TMC5: variants seen among roughly 807,000 people sequenced by gnomAD.
TMC5 encodes transmembrane channel-like protein 5.
In TMC5, 86 loss-of-function variants were observed where a neutral mutation model predicts 110.5. That is an observed-to-expected ratio of 0.78 (90% CI 0.65 to 0.93). TMC5 has a LOEUF of 0.93. TMC5 is among the 40% of genes least tolerant of loss of function. TMC5 has a pLI of 0.00. For missense variants in TMC5, 1,144 were observed against 1,222.8 expected (o/e 0.94, Z 0.96); for synonymous variants, 455 against 439.5 (o/e 1.04, Z -0.44).
chr16:19,497,271 T>C, intron 21 of TMC5, 108 bp downstream of exon 21: 3 of 1,201,558 alleles, frequency 2.5e-6, no homozygotes, highest in Non-Finnish European at 3.6e-6. Context: ...CAGTTGCAAA[T>C]TGGATCCAAA....
At chr16:19,423,535 T>C (rs1967028707) in intron 1 of TMC5, among the ~76,000 whole-genome samples, 1 of 152,222 alleles carries the variant, frequency 6.6e-6, no homozygotes. Flanking sequence ...TTCTAAAAAT[T>C]ATTTTTTACA....
chr16:19,484,500 G>A (rs923617581), intron 15 of TMC5, among the ~76,000 whole-genome samples: 4 of 152,158 alleles, frequency 2.6e-5, no homozygotes, highest in African/African-American at 7.2e-5. Context: ...GGTGGCTCAC[G>A]CCTGTAACCC....
intron 2 of TMC5, among the ~76,000 whole-genome samples, chr16:19,438,734 G>A (rs887496215): frequency 6.6e-6 from 1 of 152,104 alleles, no homozygotes; most frequent in Admixed American, 6.6e-5. Flanking sequence ...GCTACAGAGT[G>A]AGACTCCATC....
chr16:19,432,959 AATAT>A (rs1967224259), intron 2 of TMC5, among the ~76,000 whole-genome samples: 1 of 152,126 alleles, frequency 6.6e-6, no homozygotes, highest in African/African-American at 2.4e-5. Context: ...GATATGAATA[AATAT>A]ATACATAAAT....
chr16:19,462,548 G>T (rs1258231817), intron 6 of TMC5: 3 of 701,950 alleles, frequency 4.3e-6, no homozygotes, highest in Non-Finnish European at 7.8e-6. Flanking sequence ...GAAGAGCAAA[G>T]GCACATCTTA....
rs763468243 is a variant in TMC5 at position 19,472,214 on chromosome 16, G to A, written c.1909G>A (p.Val637Ile). The change falls in exon 11 of 22, where the codon GTT becomes ATT. Residue 637 changes from valine to isoleucine, a missense_variant. Physicochemically the swap from Val to Ile is conservative, Grantham distance 29. Coordinates refer to ENST00000542583, the MANE Select transcript of TMC5 (RefSeq NM_001261841.2). ...TGVAIACCAA[V>I]YYLAEYNLEF... Reference sequence around the variant, plus strand: ...AGTGGCCATAGCCTGCTGTGCAGCCGTTTATTACCTGGCTGAGTACAACTT... The same window carrying A: ...AGTGGCCATAGCCTGCTGTGCAGCCATTTATTACCTGGCTGAGTACAACTT... 2.1e-5 allele frequency: 34 copies of A among 1,614,076 alleles called. No homozygotes were observed. The highest frequency in any genetic ancestry group is 4.5e-5 in the East Asian group (2 of 44,882).
chr16:19,439,309 G>T (rs1250360056), intron 2 of TMC5, among the ~76,000 whole-genome samples: 1 of 152,148 alleles, frequency 6.6e-6, no homozygotes, highest in East Asian at 1.9e-4. Flanking sequence ...TAGTCCTCTA[G>T]TTTCCATTAA....
chr16:19,488,240 A>G (rs908004370), intron 17 of TMC5, among the ~76,000 whole-genome samples: 1 of 152,172 alleles, frequency 6.6e-6, no homozygotes, highest in Non-Finnish European at 1.5e-5. Context: ...ATAAAAAGAC[A>G]TGCTTAATAC....
chr16:19,434,512 G>T (rs1336639336), intron 2 of TMC5, among the ~76,000 whole-genome samples: 2 of 125,208 alleles, frequency 1.6e-5, no homozygotes, highest in Non-Finnish European at 1.7e-5. Flanking sequence ...AGAGAGAGAT[G>T]GGGGTCTTGC....
intron 14 of TMC5, among the ~76,000 whole-genome samples, chr16:19,480,057 C>A (rs2143690919): frequency 6.6e-6 from 1 of 152,140 alleles, no homozygotes; most frequent in Non-Finnish European, 1.5e-5. Flanking sequence ...TTTCTATGCA[C>A]ACATTGCTCT....
chr16:19,487,150 T>C (rs199899993), intron 16 of TMC5, 43 bp from the exon 17 acceptor site: 251 of 1,603,850 alleles, frequency 1.6e-4, no homozygotes, highest in Non-Finnish European at 2.1e-4. Flanking sequence ...CCTCTGCCGC[T>C]GCTCCGGCTG....
intron 6 of TMC5, among the ~76,000 whole-genome samples, chr16:19,461,418 A>G (rs1968018517): frequency 6.6e-6 from 1 of 151,860 alleles, no homozygotes; most frequent in Admixed American, 6.6e-5. Flanking sequence ...TACTAAAAAT[A>G]CAAAACTTAG....
chr16:19,412,714 T>C (rs1966858993), intron 1 of TMC5, among the ~76,000 whole-genome samples: 1 of 152,164 alleles, frequency 6.6e-6, no homozygotes, highest in African/African-American at 2.4e-5. Flanking sequence ...CTCGGAACAG[T>C]GCCTGGCACT....
chr16:19,479,848 C>A (rs1968572593), intron 14 of TMC5, among the ~76,000 whole-genome samples: 1 of 151,234 alleles, frequency 6.6e-6, no homozygotes, highest in Non-Finnish European at 1.5e-5. Context: ...AATCCCAACA[C>A]TTTGGGAGAC....
At chr16:19,467,019 G>A (rs1028141079) in intron 9 of TMC5, among the ~76,000 whole-genome samples, 5 of 151,950 alleles carry the variant, frequency 3.3e-5, no homozygotes, top group East Asian at 1.9e-4. Context: ...GGTGGCGCAC[G>A]CCTGTGTTCC....
intron 5 of TMC5, chr16:19,456,896 C>CA: frequency 6.2e-7 from 1 of 1,614,126 alleles, no homozygotes; most frequent in Non-Finnish European, 8.5e-7. Context: ...AAGGAATGAC[C>CA]AAAAGGGTAA....
At chr16:19,495,570 A>C (rs1010419619) in intron 20 of TMC5, among the ~76,000 whole-genome samples, 2 of 152,106 alleles carry the variant, frequency 1.3e-5, no homozygotes, top group African/African-American at 2.4e-5. Context: ...ATTTTGTTAC[A>C]ATTATTTTTT....
chr16:19,449,159 A>G lies in TMC5; in HGVS notation c.959-383A>G, dbSNP rs141242673. Among the ~76,000 whole-genome samples, 899 of 151,942 alleles carry G rather than the reference A, an allele frequency of 5.9e-3. 6 individuals are homozygous for G. Among genetic ancestry groups the G allele is most frequent in the Non-Finnish European group, 9.3e-3 (630 of 67,968 alleles). ...AGCCACTGTGCCCGGCCACATATAC[A>G]TATATTTTTAGAGACAGGGTCTCAT... On this transcript the variant is annotated intron_variant, in intron 4 of 21. Coordinates refer to ENST00000542583, the MANE Select transcript of TMC5 (RefSeq NM_001261841.2).
intron 14 of TMC5, among the ~76,000 whole-genome samples, chr16:19,479,887 A>G (rs1157332849): frequency 6.6e-6 from 1 of 150,812 alleles, no homozygotes; most frequent in Non-Finnish European, 1.5e-5. Context: ...TGAGGCCAGG[A>G]GTTTGAGACT....
Sources: gnomAD v4.1 joint callset for allele counts (sites outside exome capture counted in the v4.1 genomes callset) on GRCh38, gnomAD v4.1.1 for gene constraint, MANE v1.5 for transcripts, NCBI Gene and HGNC (gene_info 2026-07-23, HGNC 2026-07-21) for gene names.